The following ZNF248 variants were observed in gnomAD, a reference collection of about 807,000 sequenced individuals.
The protein encoded by ZNF248 is KRAB protein domain.
In ZNF248, 20 loss-of-function variants were observed where a neutral mutation model predicts 44.3. That is an observed-to-expected ratio of 0.45 (90% CI 0.32 to 0.66). The LOEUF (loss-of-function observed/expected upper bound fraction) is 0.66. Among genes scored for constraint, ZNF248 ranks in the 30% least tolerant of loss-of-function variants. The pLI, the probability that ZNF248 is intolerant of heterozygous loss-of-function variation, is 0.04. For missense variants in ZNF248, 654 were observed against 677.0 expected (o/e 0.97, Z 0.38); for synonymous variants, 224 against 229.0 (o/e 0.98, Z 0.20).
chr10:37,797,625 A>G (rs2049313666), intron 6 of ZNF248, among the ~76,000 whole-genome samples: 1 of 152,160 alleles, frequency 6.6e-6, no homozygotes, highest in South Asian at 2.1e-4. Context: ...AAGACAGCCC[A>G]ATTAAAAAGC....
chr10:37,837,915 C>T (rs1415482593), intron 4 of ZNF248, 70 bp downstream of exon 4: 3 of 1,564,550 alleles, frequency 1.9e-6, no homozygotes, highest in African/African-American at 1.4e-5. Context: ...AGCTTTACAT[C>T]AGAAAACTAC....
At chr10:37,806,983 A>ATTT (rs80158974) in intron 6 of ZNF248, among the ~76,000 whole-genome samples, 6 of 149,360 alleles carry the variant, frequency 4.0e-5, no homozygotes, top group Non-Finnish European at 8.9e-5. Context: ...TTTTCCCAGC[A>ATTT]TTTTTTTTTT....
intron 5 of ZNF248, among the ~76,000 whole-genome samples, chr10:37,833,923 A>C (rs1328279816): frequency 1.3e-5 from 2 of 152,098 alleles, no homozygotes; most frequent in Non-Finnish European, 2.9e-5. Context: ...GAGAAACATA[A>C]GAATTAGGTT....
intron 5 of ZNF248, 83 bp from the exon 6 acceptor site, chr10:37,833,199 T>C: frequency 6.8e-7 from 1 of 1,481,174 alleles, no homozygotes; most frequent in East Asian, 2.3e-5. Context: ...TGCACTATCA[T>C]ACAGTCAATT....
intron 6 of ZNF248, among the ~76,000 whole-genome samples, chr10:37,785,630 G>A (rs145225122): frequency 0.011 from 1,604 of 152,264 alleles, 32 homozygotes; most frequent in African/African-American, 0.038. Flanking sequence ...CTGTGACAGA[G>A]TATCAGAGGA....
intron 5 of ZNF248, among the ~76,000 whole-genome samples, chr10:37,835,456 G>A (rs529029387): frequency 4.6e-5 from 7 of 152,236 alleles, no homozygotes; most frequent in East Asian, 1.9e-4. Flanking sequence ...TATCCTCTAA[G>A]GGATGAATTT....
downstream of ZNF248, among the ~76,000 whole-genome samples, chr10:37,824,847 G>A (rs530196467): frequency 2.1e-4 from 27 of 130,998 alleles, no homozygotes; most frequent in African/African-American, 7.5e-4. Context: ...ACACCCAGCT[G>A]ATTTTTTTTT....
intron 6 of ZNF248, among the ~76,000 whole-genome samples, chr10:37,798,271 C>T (rs1463789112): frequency 6.6e-6 from 1 of 152,048 alleles, no homozygotes; most frequent in Non-Finnish European, 1.5e-5. Context: ...CAAATTTACA[C>T]AAACAAAAAG....
At chr10:37,849,454 G>T (rs529181510) in intron 3 of ZNF248, among the ~76,000 whole-genome samples, 3 of 151,782 alleles carry the variant, frequency 2.0e-5, no homozygotes, top group Non-Finnish European at 4.4e-5. Context: ...AGGCCAAGGC[G>T]GGCGGATCAC....
downstream of ZNF248, among the ~76,000 whole-genome samples, chr10:37,824,210 C>T (rs1198396958): frequency 1.3e-5 from 2 of 152,134 alleles, no homozygotes; most frequent in Admixed American, 6.5e-5. Flanking sequence ...AGCTGATATC[C>T]AGTTTGAAGG....
chr10:37,766,743 C>T, the ZNF248 span, among the ~76,000 whole-genome samples: 2 of 152,196 alleles, frequency 1.3e-5, no homozygotes, highest in African/African-American at 2.4e-5. Context: ...GAACACAGCT[C>T]CTCACCAGCA....
chr10:37,838,746 A>G (rs922724736), intron 3 of ZNF248, among the ~76,000 whole-genome samples: 1 of 151,148 alleles, frequency 6.6e-6, no homozygotes, highest in Non-Finnish European at 1.5e-5. Flanking sequence ...GACAATGAAA[A>G]AAAAGAAAAA....
In ZNF248 at chr10:37,851,691, A is replaced by T. The variant is rs144130670; in HGVS notation, c.15+4605T>A. On this transcript the variant is annotated intron_variant, in intron 3 of 5. Transcript: ENST00000395867. The stretch of plus-strand genomic sequence containing the variant: ...GACTATTTCAATGAAGAGAATATAC[A>T]GGCAGAAAATACACATGAAAAGATT... Among the ~76,000 whole-genome samples the T allele has an allele frequency of 1.7e-3, 258 of 150,548 alleles. 1 individual carries two copies. The highest frequency in any genetic ancestry group is 0.017 in the Middle Eastern group (5 of 292).
downstream of ZNF248, among the ~76,000 whole-genome samples, chr10:37,825,909 AG>A (rs1554828396): frequency 1.3e-5 from 2 of 150,310 alleles, no homozygotes; most frequent in Non-Finnish European, 3.0e-5. Flanking sequence ...AAAAAAAAAA[AG>A]GGGGGGAGAG....
Position 37,833,135 on chromosome 10 carries a change from A to G in ZNF248, c.239-19T>C, listed in dbSNP as rs745966879. 24 of 1,561,606 alleles carry G rather than the reference A, an allele frequency of 1.5e-5. No individual in the cohort carries two copies. Among genetic ancestry groups the G allele is most frequent in the Non-Finnish European group, 2.1e-5 (24 of 1,161,326 alleles). On this transcript the variant is annotated intron_variant, in intron 5 of 5. Coordinates refer to ENST00000395867, the MANE Select transcript of ZNF248 (RefSeq NM_021045.3). ...TTCCTTTCTAGAAATGAGAAAAATA[A>G]CCACATCTTATGAACCTTAATACAT...
chr10:37,820,713 A>G, intron 6 of ZNF248: 2 of 1,345,226 alleles, frequency 1.5e-6, no homozygotes, highest in African/African-American at 1.4e-5. Flanking sequence ...TTATCACTCA[A>G]GGATCCCATG....
Position 37,804,690 on chromosome 10 carries a change from C to T in ZNF248, c.331-28115G>A, listed in dbSNP as rs1216110934. 2.0e-5 allele frequency among the ~76,000 whole-genome samples: 3 copies of T among 152,304 alleles called. No individual in the cohort carries two copies. The East Asian group carries it at 5.8e-4, about 30-fold the overall frequency. On this transcript the variant is annotated intron_variant, in intron 6 of 6. Transcript: ENST00000615949. Reference sequence around the variant, plus strand: ...GGGCTAGAGTGATCCACTCACCCTGCCTAGGTCGCCCAAAGTGCTGGGATT... The same window carrying T: ...GGGCTAGAGTGATCCACTCACCCTGTCTAGGTCGCCCAAAGTGCTGGGATT...
At chr10:37,825,173 G>A (rs1362481331), downstream of ZNF248, among the ~76,000 whole-genome samples, 1 of 151,970 alleles carries the variant, frequency 6.6e-6, no homozygotes, top group African/African-American at 2.4e-5. Flanking sequence ...ATTTGTAAGA[G>A]CACATGAACC....
chr10:37,774,434 TTA>T (rs2132755269), downstream of ZNF248, among the ~76,000 whole-genome samples: 1 of 152,292 alleles, frequency 6.6e-6, no homozygotes, highest in South Asian at 2.1e-4. Flanking sequence ...TCTCGAGGGG[TTA>T]TCTTATCCTT....
Sources: allele counts gnomAD v4.1 joint callset (sites outside exome capture counted in the v4.1 genomes callset), GRCh38; gene constraint gnomAD v4.1.1; transcripts MANE v1.5; gene names NCBI Gene and HGNC (gene_info 2026-07-23, HGNC 2026-07-21).